Variants in PLCD3 observed in about 807,000 individuals in gnomAD.
The protein encoded by PLCD3 is phospholipase C delta 3, also known as 1-phosphatidylinositol 4,5-bisphosphate phosphodiesterase delta-3.
In PLCD3, 62 loss-of-function variants were observed where a neutral mutation model predicts 82.8. The observed-to-expected ratio is 0.75, with a 90% CI of 0.61 to 0.93. PLCD3 has a LOEUF of 0.93. PLCD3 is among the 40% of genes least tolerant of loss of function. The pLI, the probability that PLCD3 is intolerant of heterozygous loss-of-function variation, is 0.00. For missense variants in PLCD3, 1,023 were observed against 1,103.4 expected, an observed-to-expected ratio of 0.93 and a Z score of 1.03; for synonymous variants, 478 against 471.8, an observed-to-expected ratio of 1.01 and a Z score of -0.17.
At chr17:45,122,400 C>T (rs1338095837) in intron 1 of PLCD3, among the ~76,000 whole-genome samples, 1 of 152,152 alleles carries the variant, frequency 6.6e-6, no homozygotes, top group Non-Finnish European at 1.5e-5. Flanking sequence ...TACTAATAGA[C>T]AAGGAAACTG....
chr17:45,118,883 T>G lies in PLCD3; in HGVS notation c.845A>C (p.Gln282Pro), dbSNP rs897298175. Residue 282 changes from glutamine to proline, a missense_variant, in exon 5 of 15, where the codon CAG (glutamine) becomes CCG (proline). Gln to Pro is a moderately conservative substitution (Grantham distance 76). This residue lies in a region of PLCD3 where 448 missense variants were observed against 406.3 expected (regional missense o/e 1.10). Coordinates refer to ENST00000619929, the MANE Select transcript of PLCD3 (RefSeq NM_133373.5). The surrounding 1 kb of genome is among the most constrained non-coding windows in gnomAD (Gnocchi z 4.1). ...GGCCAGTGTGGCGCCCTCCTCGCCC[T>G]GGTCCTCCAGGAACTCCAGCAGCTC... is the stretch of plus-strand genomic sequence containing the variant. ...APELLEFLED[Q>P]GEEGATLARA... The G allele has an allele frequency of 1.2e-6, 2 of 1,612,358 alleles. No homozygotes were observed. The highest frequency in any genetic ancestry group is 1.7e-6 in the Non-Finnish European group (2 of 1,179,854).
Position 45,115,199 on chromosome 17 carries a change from G to A in PLCD3, c.1606C>T (p.His536Tyr). 6.3e-7 allele frequency: 1 copy of A among 1,581,824 alleles called. No homozygotes were observed. The highest frequency in any genetic ancestry group is 8.6e-7 in the Non-Finnish European group (1 of 1,163,360). The change falls in exon 10 of 15, where the codon CAC becomes TAC. Residue 536 changes from histidine (H) to tyrosine (Y), a missense_variant. This residue lies in a region of PLCD3 where 553 missense variants were observed against 655.7 expected (regional missense o/e 0.84). Transcript: ENST00000619929. Reference sequence around the variant, plus strand: ...TGCAGGGTCCGCAGGCGGGTGGCGTGGCAGTACACAGCCAGGGCCGACAGC... The same window carrying A: ...TGCAGGGTCCGCAGGCGGGTGGCGTAGCAGTACACAGCCAGGGCCGACAGC... ...PELSALAVYC[H>Y]ATRLRTLHPA...
Position 45,115,253 on chromosome 17 carries a change from C to T in PLCD3, c.1561-9G>A, listed in dbSNP as rs890386726. On this transcript the variant is annotated splice_polypyrimidine_tract_variant and intron_variant, in intron 9 of 14. Transcript: ENST00000619929. ...GGGGAGATCTGCTTGGCCTAGGAGACCAGGCTCAGCGGGGTTCAGCTGGCC... is the reference window on the plus strand; with the variant it reads ...GGGGAGATCTGCTTGGCCTAGGAGATCAGGCTCAGCGGGGTTCAGCTGGCC... The T allele has an allele frequency of 1.3e-6, 2 of 1,550,692 alleles. No individual in the cohort carries two copies. The highest frequency in any genetic ancestry group is 1.7e-6 in the Non-Finnish European group (2 of 1,144,532).
At chr17:45,116,465 A>C (rs950067449) in intron 8 of PLCD3, among the ~76,000 whole-genome samples, 167 bp downstream of exon 8, 3 of 152,116 alleles carry the variant, frequency 2.0e-5, no homozygotes, top group African/African-American at 4.8e-5. Flanking sequence ...AGGGCAGCAG[A>C]AGGACAAGAC....
rs990783212 is a variant in PLCD3, at chr17:45,132,401, C to T, written c.10G>A (p.Gly4Ser). The T allele has an allele frequency of 4.0e-5, 49 of 1,221,900 alleles. No homozygotes were observed. Among genetic ancestry groups the T allele is most frequent in the Non-Finnish European group, 4.8e-5 (47 of 981,788 alleles). 75.7% of individuals were successfully genotyped at this position (1,221,900 alleles called of 1,614,324 possible). Residue 4 changes from glycine to serine, a missense_variant, in exon 1 of 15, where the codon GGC becomes AGC. Gly to Ser is a moderately conservative substitution (Grantham distance 56, BLOSUM62 0). Transcript: ENST00000619929. The surrounding 1 kb of genome is among the most constrained non-coding windows in gnomAD (Gnocchi z 4.6). MLCGRWRRCRRPPE... is the reference protein window; with the variant it reads MLCSRWRRCRRPPE... ...GGGCGGCGGCAACGCCTCCAGCGGCCGCACAGCATGGCTTGGCGGGGGGCC... is the reference window on the plus strand; with the variant it reads ...GGGCGGCGGCAACGCCTCCAGCGGCTGCACAGCATGGCTTGGCGGGGGGCC...
At position 45,112,552 on chromosome 17, in the gene PLCD3, G is replaced by T; in HGVS notation, c.*64C>A. 1.4e-6 allele frequency: 2 copies of T among 1,478,008 alleles called. No homozygotes were observed. Among genetic ancestry groups the T allele is most frequent in the Non-Finnish European group, 9.3e-7 (1 of 1,081,070 alleles). The allele number at this position is 1,478,008 out of a possible 1,614,324, so 91.6% of individuals were successfully genotyped here. A position where few individuals can be genotyped will look rare whatever the true frequency, so the allele number is the denominator to read the frequency against. ...CTCCCACCACCTGACTCCAGAGGAG[G>T]AGAGGGCTCTGCAGGGGATGTGGAC... On this transcript the variant is annotated 3_prime_UTR_variant, in exon 15 of 15. Transcript: ENST00000619929.
rs1366361318 is a variant in PLCD3, at chr17:45,120,995, G to A, written c.461C>T (p.Ala154Val). 2 of 1,533,500 alleles carry A rather than the reference G, an allele frequency of 1.3e-6. No individual in the cohort carries two copies. The highest frequency in any genetic ancestry group is 1.4e-5 in the African/African-American group (1 of 72,038). The allele number at this position is 1,533,500 out of a possible 1,614,324, so 95.0% of individuals were successfully genotyped here. Residue 154 changes from alanine (A) to valine (V), a missense_variant, in exon 3 of 15, where the codon GCG (alanine) becomes GTG (valine). Ala to Val is a moderately conservative substitution (Grantham distance 64). Around this residue, in one of 3 missense-constraint regions of PLCD3, gnomAD observed 448 missense variants for 406.3 expected, o/e 1.10. Coordinates refer to ENST00000619929, the MANE Select transcript of PLCD3 (RefSeq NM_133373.5). ...KGRRKNLDLA[A>V]PTAEEAQRWV... ...GCGCTGCGCTTCCTCAGCCGTGGGCGCCGCCAGGTCCAGGTTCTTGCGGCG... is the reference window on the plus strand; with the variant it reads ...GCGCTGCGCTTCCTCAGCCGTGGGCACCGCCAGGTCCAGGTTCTTGCGGCG...
chr17:45,121,850 G>A (rs1008689865), intron 1 of PLCD3, among the ~76,000 whole-genome samples: 1 of 152,090 alleles, frequency 6.6e-6, no homozygotes, highest in Admixed American at 6.6e-5. Flanking sequence ...TTAGCTGGGT[G>A]TGGTGGCACA....
chr17:45,126,192 C>T (rs1220650977), intron 1 of PLCD3, among the ~76,000 whole-genome samples: 2 of 151,390 alleles, frequency 1.3e-5, no homozygotes, highest in Admixed American at 6.6e-5. Flanking sequence ...TGCAGGTGCC[C>T]GCCACCACAC....
chr17:45,119,645 CAG>C (rs1327127492), intron 4 of PLCD3, among the ~76,000 whole-genome samples: 3 of 152,258 alleles, frequency 2.0e-5, no homozygotes, highest in Non-Finnish European at 4.4e-5. Context: ...TGGGCCAAGA[CAG>C]GGCCCTTGGG....
Position 45,120,938 on chromosome 17 carries a change from C to T in PLCD3, c.518G>A (p.Arg173His), listed in dbSNP as rs899305920. Residue 173 changes from arginine to histidine, a missense_variant, in exon 3 of 15, where the codon CGC (arginine) becomes CAC (histidine). By Grantham distance (29) the Arg-to-His change is conservative (BLOSUM62 0). This residue lies in a region of PLCD3 where 448 missense variants were observed against 406.3 expected (regional missense o/e 1.10). Transcript: ENST00000619929. ...CTCGCGCTGGCTCATGGCGTCCAGGCGCGCGCGGAGCTTGGTCAGACCGCG... is the reference window on the plus strand; with the variant it reads ...CTCGCGCTGGCTCATGGCGTCCAGGTGCGCGCGGAGCTTGGTCAGACCGCG... ...WVRGLTKLRA[R>H]LDAMSQRERL... is the part of the protein sequence containing the mutation. The T allele has an allele frequency of 1.9e-5, 28 of 1,476,006 alleles. No individual in the cohort carries two copies. Among genetic ancestry groups the T allele is most frequent in the Non-Finnish European group, 2.5e-5 (28 of 1,120,770 alleles). The allele number at this position is 1,476,006 out of a possible 1,614,324, so 91.4% of individuals were successfully genotyped here. A position where few individuals can be genotyped will look rare whatever the true frequency, so the allele number is the denominator to read the frequency against.
chr17:45,127,972 C>T (rs1015349284), intron 1 of PLCD3, among the ~76,000 whole-genome samples: 5 of 152,094 alleles, frequency 3.3e-5, no homozygotes, highest in East Asian at 1.9e-4. Flanking sequence ...TGGCCAAGGC[C>T]GAGCAGGGAG....
intron 1 of PLCD3, among the ~76,000 whole-genome samples, chr17:45,123,932 G>A (rs1047225653): frequency 2.7e-5 from 4 of 147,924 alleles, no homozygotes; most frequent in Non-Finnish European, 5.9e-5. Context: ...TACACGGCAC[G>A]TGCCAGGCCG....
In PLCD3 at chr17:45,132,360, CG is replaced by C; in HGVS notation, c.50del (p.Pro17ArgfsTer35). On this transcript the variant is annotated frameshift_variant, in exon 1 of 15. Coordinates refer to ENST00000619929, the MANE Select transcript of PLCD3 (RefSeq NM_133373.5). LOFTEE classifies it high-confidence loss of function. The surrounding 1 kb of genome is among the most constrained non-coding windows in gnomAD (Gnocchi z 4.6). ...CTTGGGCTGCGACCTGGGCGGCCAC[CG>C]GGGGCTCCTCGGGCGGGCGGCGGCA... The part of the protein sequence containing the change: ...RRCRRPPEEP[P>X]VAAQVAAQVA... 3 of 1,230,342 alleles carry C rather than the reference CG, an allele frequency of 2.4e-6. No individual in the cohort carries two copies. The highest frequency in any genetic ancestry group is 3.0e-6 in the Non-Finnish European group (3 of 986,840). 76.2% of individuals were successfully genotyped at this position (1,230,342 alleles called of 1,614,324 possible).
Position 45,112,607 on chromosome 17 carries a change from G to A in PLCD3, c.*9C>T. ...ACTCGCAGAACCCCAAGGCGAGTGA[G>A]GTGGGCCCTCAGGAGCGCTGGATGC... On this transcript the variant is annotated 3_prime_UTR_variant, in exon 15 of 15. Coordinates refer to ENST00000619929, the MANE Select transcript of PLCD3 (RefSeq NM_133373.5). 1.9e-6 allele frequency: 3 copies of A among 1,592,394 alleles called. No homozygotes were observed. Among genetic ancestry groups the A allele is most frequent in the Non-Finnish European group, 2.6e-6 (3 of 1,169,670 alleles).
chr17:45,115,357 G>T lies in PLCD3; in HGVS notation c.1547C>A (p.Ala516Glu), dbSNP rs767836285. The T allele has an allele frequency of 2.0e-6, 3 of 1,536,504 alleles. No homozygotes were observed. Among genetic ancestry groups the T allele is most frequent in the South Asian group, 2.4e-5 (2 of 84,558 alleles). Residue 516 changes from alanine to glutamate, a missense_variant, in exon 9 of 15, where the codon GCG becomes GAG. Transcript: ENST00000619929. ...CCCAGCTCTCACCAGCCGCCTCTGC[G>T]CTGCAGCCTCCACCTCCTCTTCTTC... ...EEEEEEVEAA[A>E]QRRLAKQISP...
chr17:45,115,194 G>A lies in PLCD3; in HGVS notation c.1611C>T (p.Ala537=). Residue 537 remains alanine (A), a synonymous_variant, in exon 10 of 15, where the codon GCC becomes GCT. Transcript: ENST00000619929. ...ELSALAVYCH[A]TRLRTLHPAP... ...CAGGGTGCAGGGTCCGCAGGCGGGTGGCGTGGCAGTACACAGCCAGGGCCG... is the reference window on the plus strand; with the variant it reads ...CAGGGTGCAGGGTCCGCAGGCGGGTAGCGTGGCAGTACACAGCCAGGGCCG... 1 of 1,583,078 alleles carries A rather than the reference G, an allele frequency of 6.3e-7. No homozygotes were observed. The highest frequency in any genetic ancestry group is 8.6e-7 in the Non-Finnish European group (1 of 1,164,120).
chr17:45,114,645 A>T (rs1362236811), intron 10 of PLCD3, among the ~76,000 whole-genome samples: 1 of 151,818 alleles, frequency 6.6e-6, no homozygotes, highest in Admixed American at 6.6e-5. Context: ...CTCCAGCTCC[A>T]CTGTGGTTCC....
intron 1 of PLCD3, among the ~76,000 whole-genome samples, chr17:45,123,546 TCAGGACAGAGGCCTCG>T (rs1006288910): frequency 7.9e-5 from 12 of 152,024 alleles, no homozygotes; most frequent in African/African-American, 2.4e-4. Context: ...TGTCCAGAGT[TCAGGACAGAGGCCTCG>T]CAGGGCAGAG....
Sources: allele counts gnomAD v4.1 joint callset (sites outside exome capture counted in the v4.1 genomes callset), GRCh38; gene constraint gnomAD v4.1.1; regional missense constraint gnomAD v4.1.1; non-coding constraint Gnocchi (gnomAD v3.1); transcripts MANE v1.5; gene names NCBI Gene and HGNC (gene_info 2026-07-23, HGNC 2026-07-21).